TMEM132D: variants seen among roughly 807,000 people sequenced by gnomAD.
TMEM132D encodes the protein transmembrane protein 132D.
Under a neutral mutation model 62.3 loss-of-function variants are expected in TMEM132D, and 21 were observed. The observed-to-expected ratio is 0.34, with a 90% CI of 0.24 to 0.49. The LOEUF is 0.49. Ranked by LOEUF, TMEM132D falls within the 20% of genes least tolerant of loss-of-function variation. TMEM132D has a pLI of 0.99. For missense variants in TMEM132D, 1,346 were observed against 1,402.8 expected (o/e 0.96, Z 0.65); for synonymous variants, 621 against 575.6 (o/e 1.08, Z -1.13).
intron 5 of TMEM132D, among the ~76,000 whole-genome samples, chr12:129,191,981 T>C (rs1878418154): frequency 6.6e-6 from 1 of 152,266 alleles, no homozygotes. Flanking sequence ...ATTTTAATTT[T>C]GAATTCTGTA....
chr12:129,382,511 C>G (rs927228439), intron 3 of TMEM132D, among the ~76,000 whole-genome samples: 2 of 152,162 alleles, frequency 1.3e-5, no homozygotes, highest in East Asian at 3.9e-4. Context: ...GTGAAAGGTG[C>G]AGCCCGTCTA....
chr12:129,553,585 C>G (rs1876963860), intron 2 of TMEM132D, among the ~76,000 whole-genome samples: 1 of 152,194 alleles, frequency 6.6e-6, no homozygotes, highest in Admixed American at 6.5e-5. Context: ...CTGCCCATTT[C>G]CATGGTGTAA....
intron 4 of TMEM132D, among the ~76,000 whole-genome samples, chr12:129,246,360 G>T (rs373314759): frequency 6.6e-6 from 1 of 152,178 alleles, no homozygotes; most frequent in South Asian, 2.1e-4. Flanking sequence ...TGAGCACCAC[G>T]GCCGCTCTGC....
chr12:129,485,553 T>C lies in TMEM132D; in HGVS notation c.1115+45506A>G, dbSNP rs146750129. On this transcript the variant is annotated intron_variant, in intron 3 of 8. Transcript: ENST00000422113. ...ACTTCCAAGTCTGTGCATCCCTCTTTCCTGGGTCCACCCACCTGAGGATGA... is the reference window on the plus strand; with the variant it reads ...ACTTCCAAGTCTGTGCATCCCTCTTCCCTGGGTCCACCCACCTGAGGATGA... Among the ~76,000 whole-genome samples the C allele has an allele frequency of 2.9e-3, 441 of 152,292 alleles. 3 individuals are homozygous for C. The highest frequency in any genetic ancestry group is 0.01 in the African/African-American group (430 of 41,572).
intron 2 of TMEM132D, among the ~76,000 whole-genome samples, chr12:129,687,152 G>A (rs1463379122): frequency 6.6e-6 from 1 of 152,170 alleles, no homozygotes; most frequent in Admixed American, 6.5e-5. Flanking sequence ...ACTGAGCTAC[G>A]GCACCTGTCT....
intron 3 of TMEM132D, among the ~76,000 whole-genome samples, chr12:129,509,848 C>T (rs879903238): frequency 1.3e-5 from 2 of 152,154 alleles, no homozygotes; most frequent in South Asian, 2.1e-4. Flanking sequence ...ATATGTACCT[C>T]ATTTCCTTTA....
chr12:129,278,168 G>A (rs771145589), intron 4 of TMEM132D, among the ~76,000 whole-genome samples: 10 of 152,166 alleles, frequency 6.6e-5, no homozygotes, highest in Admixed American at 1.3e-4. Context: ...ATTGATTTGG[G>A]TGTTCCCTGT....
At chr12:129,447,487 G>A (rs1476774269) in intron 3 of TMEM132D, among the ~76,000 whole-genome samples, 11 of 152,110 alleles carry the variant, frequency 7.2e-5, no homozygotes, top group African/African-American at 1.7e-4. Flanking sequence ...ACTGCCTGCC[G>A]AGGGCTCCGC....
At position 129,423,661 on chromosome 12, in the gene TMEM132D, G is replaced by A. The variant is rs370759136; in HGVS notation, c.1116-85844C>T. On this transcript the variant is annotated intron_variant, in intron 3 of 8. Transcript: ENST00000422113. ...TCTATGACGGGAAAGGGAAGCGCTT[G>A]TACTCATGAGTAGAAGAGCTAGTAT... 5.3e-5 allele frequency among the ~76,000 whole-genome samples: 8 copies of A among 152,148 alleles called. No homozygotes were observed. The South Asian group carries it at 6.2e-4, about 12-fold the overall frequency.
intron 3 of TMEM132D, among the ~76,000 whole-genome samples, chr12:129,407,599 C>CT: frequency 6.6e-6 from 1 of 152,186 alleles, no homozygotes; most frequent in East Asian, 1.9e-4. Flanking sequence ...TTTTCTTAAT[C>CT]TTTAAGTTAA....
At chr12:129,671,053 G>A (rs544105757) in intron 2 of TMEM132D, among the ~76,000 whole-genome samples, 1 of 152,312 alleles carries the variant, frequency 6.6e-6, no homozygotes, top group East Asian at 1.9e-4. Flanking sequence ...TGTTTTGAGT[G>A]AGGAGTCACT....
rs529786680 is a variant in TMEM132D, at chr12:129,370,748, GTCATTA to G, written c.1116-32937_1116-32932del. ...TTCAGCAACATAAATGGAACTGGAA[GTCATTA>G]TGTTAAGTAAACTAAGCCAGGCAGA... On this transcript the variant is annotated intron_variant, in intron 3 of 8. Coordinates refer to ENST00000422113, the MANE Select transcript of TMEM132D (RefSeq NM_133448.3). 2.7e-3 allele frequency among the ~76,000 whole-genome samples: 416 copies of G among 152,292 alleles called. 3 individuals are homozygous for G. The highest frequency in any genetic ancestry group is 9.5e-3 in the African/African-American group (394 of 41,556).
At chr12:129,489,843 C>A (rs557293566) in intron 3 of TMEM132D, among the ~76,000 whole-genome samples, 1 of 152,232 alleles carries the variant, frequency 6.6e-6, no homozygotes, top group South Asian at 2.1e-4. Flanking sequence ...TCTTTTCTAG[C>A]CATAATACAA....
Position 129,194,506 on chromosome 12 carries a change from G to C in TMEM132D, c.1443+15014C>G, listed in dbSNP as rs989962216. Among the ~76,000 whole-genome samples, 3 of 152,174 alleles carry C rather than the reference G, an allele frequency of 2.0e-5. No individual in the cohort carries two copies. In the East Asian group the frequency reaches 5.8e-4, roughly 29 times the overall value. On this transcript the variant is annotated intron_variant, in intron 5 of 8. Transcript: ENST00000422113. ...GAGGAACAGAAAAGATCACTATTTG[G>C]CACTTGACTTAATTCCTGGCTGATG...
chr12:129,178,841 C>A (rs1050223565), intron 5 of TMEM132D, among the ~76,000 whole-genome samples: 7 of 152,180 alleles, frequency 4.6e-5, no homozygotes, highest in Non-Finnish European at 7.4e-5. Flanking sequence ...ACTCCTTGAA[C>A]CTGGGTTTGG....
chr12:129,434,496 A>G (rs1326537266), intron 3 of TMEM132D, among the ~76,000 whole-genome samples: 1 of 152,128 alleles, frequency 6.6e-6, no homozygotes, highest in Non-Finnish European at 1.5e-5. Context: ...AAATTCTTAA[A>G]ACACAGCCTG....
chr12:129,618,369 C>CA (rs543700342), intron 2 of TMEM132D, among the ~76,000 whole-genome samples: 3 of 152,184 alleles, frequency 2.0e-5, no homozygotes, highest in Non-Finnish European at 4.4e-5. Flanking sequence ...CATCAGAAAG[C>CA]AATTGGAACC....
intron 4 of TMEM132D, among the ~76,000 whole-genome samples, chr12:129,242,350 GGATA>G (rs1461752366): frequency 2.6e-5 from 4 of 152,156 alleles, no homozygotes; most frequent in African/African-American, 9.7e-5. Context: ...GCAGGCATAT[GGATA>G]GATAGCTAGT....
intron 5 of TMEM132D, among the ~76,000 whole-genome samples, chr12:129,118,755 C>A (rs1875970881): frequency 1.3e-5 from 2 of 152,220 alleles, no homozygotes; most frequent in African/African-American, 4.8e-5. Flanking sequence ...AGGCAAGAGT[C>A]CAAGTCTAAC....
Sources: gnomAD v4.1 joint callset for allele counts (sites outside exome capture counted in the v4.1 genomes callset) on GRCh38, gnomAD v4.1.1 for gene constraint, MANE v1.5 for transcripts, NCBI Gene and HGNC (gene_info 2026-07-23, HGNC 2026-07-21) for gene names.